The following LDLRAD3 variants were observed in gnomAD, a reference collection of about 807,000 sequenced individuals.
LDLRAD3 encodes the protein low-density lipoprotein receptor class A domain-containing protein 3.
LDLRAD3 carries 20 observed loss-of-function variants against 29.4 expected under a neutral mutation model. The ratio of observed to expected loss-of-function variants is 0.68; its 90% CI spans 0.48 to 0.99. LDLRAD3 has a LOEUF of 0.99. Ranked by LOEUF, LDLRAD3 falls within the 50% of genes least tolerant of loss-of-function variation. The pLI is 0.00. For synonymous variants in LDLRAD3, 157 were observed against 192.7 expected (o/e 0.81, Z 1.53); for missense variants, 420 against 454.3 (o/e 0.92, Z 0.69).
At chr11:36,074,421 C>T (rs141479509) in intron 2 of LDLRAD3, among the ~76,000 whole-genome samples, 1 of 152,188 alleles carries the variant, frequency 6.6e-6, no homozygotes, top group African/African-American at 2.4e-5. Context: ...CCATGCTGAG[C>T]CCTGGGAAAA....
In LDLRAD3 at chr11:36,071,498, A is replaced by C. The variant is rs77422899; in HGVS notation, c.194-10155A>C. 3.7e-3 allele frequency among the ~76,000 whole-genome samples: 569 copies of C among 152,316 alleles called. 4 individuals carry two copies. The highest frequency in any genetic ancestry group is 0.014 in the Middle Eastern group (4 of 294). On this transcript the variant is annotated intron_variant, in intron 2 of 5. Coordinates refer to ENST00000315571, the MANE Select transcript of LDLRAD3 (RefSeq NM_174902.4). The stretch of plus-strand genomic sequence containing the variant: ...ACCCCAAATGTCCATCAGTAACGGG[A>C]TTTATGGATACATAGACACAGTAAA...
chr11:36,185,521 T>A (rs1409015279), intron 4 of LDLRAD3, among the ~76,000 whole-genome samples: 2 of 152,192 alleles, frequency 1.3e-5, no homozygotes, highest in African/African-American at 4.8e-5. Flanking sequence ...AGATGGCTTG[T>A]GTTCACCACT....
chr11:35,960,967 C>T (rs1170173086), intron 1 of LDLRAD3, among the ~76,000 whole-genome samples: 1 of 152,228 alleles, frequency 6.6e-6, no homozygotes, highest in Non-Finnish European at 1.5e-5. Context: ...CCTGTTCCCT[C>T]ATCTCCCGCT....
At position 36,105,238 on chromosome 11, in the gene LDLRAD3, TGAGA is replaced by T. The variant is rs35668663; in HGVS notation, c.454+6798_454+6801del. 9.5e-4 allele frequency among the ~76,000 whole-genome samples: 122 copies of T among 128,414 alleles called. 1 individual carries two copies. Among genetic ancestry groups the T allele is most frequent in the South Asian group, 3.2e-3 (12 of 3,718 alleles). 84.2% of individuals were successfully genotyped at this position (128,414 alleles called of 152,430 possible). A position where few individuals can be genotyped will look rare whatever the true frequency, so the allele number is the denominator to read the frequency against. On this transcript the variant is annotated intron_variant, in intron 4 of 5. Coordinates refer to ENST00000315571, the MANE Select transcript of LDLRAD3 (RefSeq NM_174902.4). ...GTGTGTGTGTGTGTGTGTGTGTGTG[TGAGA>T]GAGAGAGAGAGAGAGAGAGAAAGAC...
intron 4 of LDLRAD3, among the ~76,000 whole-genome samples, chr11:36,201,682 G>T (rs1306414583): frequency 6.6e-6 from 1 of 152,186 alleles, no homozygotes; most frequent in African/African-American, 2.4e-5. Context: ...GCAAGCAATT[G>T]TATTTAATTA....
intron 4 of LDLRAD3, among the ~76,000 whole-genome samples, chr11:36,115,637 C>T (rs1437204609): frequency 2.0e-5 from 3 of 152,154 alleles, no homozygotes; most frequent in African/African-American, 7.2e-5. Flanking sequence ...CTTATCACCC[C>T]ACGGTCACAT....
chr11:36,146,594 T>C (rs1854197659), intron 4 of LDLRAD3, among the ~76,000 whole-genome samples: 1 of 152,126 alleles, frequency 6.6e-6, no homozygotes, highest in Non-Finnish European at 1.5e-5. Flanking sequence ...GTTTGTTCCT[T>C]CTGCGGACCC....
chr11:36,114,299 C>T (rs1247251587), intron 4 of LDLRAD3, among the ~76,000 whole-genome samples: 1 of 152,198 alleles, frequency 6.6e-6, no homozygotes, highest in African/African-American at 2.4e-5. Context: ...GGTCGAGCTG[C>T]AACACTGTGC....
intron 2 of LDLRAD3, among the ~76,000 whole-genome samples, chr11:36,071,241 C>T (rs1438793700): frequency 6.6e-6 from 1 of 152,176 alleles, no homozygotes; most frequent in African/African-American, 2.4e-5. Flanking sequence ...GCGTCATTGC[C>T]AACTTGAGAG....
intron 2 of LDLRAD3, among the ~76,000 whole-genome samples, chr11:36,075,070 G>C (rs1852974365): frequency 6.6e-6 from 1 of 152,154 alleles, no homozygotes; most frequent in Admixed American, 6.5e-5. Flanking sequence ...CAGTGTAGTT[G>C]ATGCTGTTTT....
intron 4 of LDLRAD3, among the ~76,000 whole-genome samples, chr11:36,140,508 A>G (rs532221536): frequency 6.6e-6 from 1 of 152,292 alleles, no homozygotes; most frequent in South Asian, 2.1e-4. Context: ...GGTTCACTGC[A>G]GCCTCTACTT....
In LDLRAD3 at chr11:36,173,321, T is replaced by A. The variant is rs190549662; in HGVS notation, c.455-53764T>A. Reference sequence around the variant, plus strand: ...CATTTACATTAGGTATATCTCCTAATGCTATCCCTCCCCCCTCCCCCCACC... The same window carrying A: ...CATTTACATTAGGTATATCTCCTAAAGCTATCCCTCCCCCCTCCCCCCACC... On this transcript the variant is annotated intron_variant, in intron 4 of 5. Transcript: ENST00000315571. Among the ~76,000 whole-genome samples, 1,337 of 147,020 alleles carry A rather than the reference T, an allele frequency of 9.1e-3. 33 individuals carry two copies. The highest frequency in any genetic ancestry group is 0.032 in the African/African-American group (1,260 of 39,708).
chr11:36,021,956 G>A (rs531178375), intron 1 of LDLRAD3, among the ~76,000 whole-genome samples: 1 of 152,216 alleles, frequency 6.6e-6, no homozygotes, highest in East Asian at 1.9e-4. Flanking sequence ...GGCCTCAAAC[G>A]TATTTAAAGG....
intron 2 of LDLRAD3, among the ~76,000 whole-genome samples, chr11:36,058,246 C>T (rs2133230809): frequency 6.6e-6 from 1 of 152,278 alleles, no homozygotes; most frequent in African/African-American, 2.4e-5. Flanking sequence ...TGCCATTTCC[C>T]TCTGTGCCTC....
At chr11:35,960,943 G>A (rs1216948992) in intron 1 of LDLRAD3, among the ~76,000 whole-genome samples, 4 of 152,196 alleles carry the variant, frequency 2.6e-5, no homozygotes, top group African/African-American at 7.2e-5. Context: ...GGGGAGTGGT[G>A]GGCTGTGGCC....
intron 1 of LDLRAD3, among the ~76,000 whole-genome samples, chr11:36,009,863 C>T (rs1851933336): frequency 1.3e-5 from 2 of 152,196 alleles, no homozygotes; most frequent in African/African-American, 4.8e-5. Context: ...TTCCAGAAAT[C>T]TGTAACCAGT....
chr11:35,948,746 A>G (rs1435005677), intron 1 of LDLRAD3, among the ~76,000 whole-genome samples: 1 of 151,948 alleles, frequency 6.6e-6, no homozygotes, highest in Non-Finnish European at 1.5e-5. Flanking sequence ...GGTTGCAGGG[A>G]TGGGGTTAGT....
chr11:35,995,225 CTT>C (rs2133171505), intron 1 of LDLRAD3, among the ~76,000 whole-genome samples: 1 of 152,322 alleles, frequency 6.6e-6, no homozygotes, highest in South Asian at 2.1e-4. Flanking sequence ...TGGAATGACT[CTT>C]TGATCCCTGG....
At chr11:35,989,636 T>C (rs72936950) in intron 1 of LDLRAD3, among the ~76,000 whole-genome samples, 2 of 152,128 alleles carry the variant, frequency 1.3e-5, no homozygotes, top group African/African-American at 4.8e-5. Flanking sequence ...TGGTTAGGTA[T>C]GTATTTTATT....
Sources: gnomAD v4.1 joint callset for allele counts (sites outside exome capture counted in the v4.1 genomes callset) on GRCh38, gnomAD v4.1.1 for gene constraint, MANE v1.5 for transcripts, NCBI Gene and HGNC (gene_info 2026-07-23, HGNC 2026-07-21) for gene names.